Variants in CAMK4 observed in about 807,000 individuals in gnomAD.
The protein encoded by CAMK4 is calcium/calmodulin dependent protein kinase IV, also known as calcium/calmodulin-dependent protein kinase type IV.
CAMK4 carries 22 observed loss-of-function variants against 44.9 expected under a neutral mutation model. That is an observed-to-expected ratio of 0.49 (90% confidence interval 0.35 to 0.70). The LOEUF is 0.70. CAMK4 is among the 30% of genes least tolerant of loss of function. CAMK4 has a pLI of 0.01. For missense variants in CAMK4, 498 were observed against 586.8 expected (o/e 0.85, Z 1.56); for synonymous variants, 218 against 215.4 (o/e 1.01, Z -0.11).
At chr5:111,472,297 A>G (rs560429584) in intron 7 of CAMK4, among the ~76,000 whole-genome samples, 4 of 152,240 alleles carry the variant, frequency 2.6e-5, no homozygotes, top group African/African-American at 7.2e-5. Context: ...AGAGAATGGT[A>G]TGGTGTCCTC....
At chr5:111,330,472 T>C (rs1353716247) in intron 1 of CAMK4, among the ~76,000 whole-genome samples, 1 of 139,754 alleles carries the variant, frequency 7.2e-6, no homozygotes, top group African/African-American at 2.8e-5. Flanking sequence ...TCTTTGTTTT[T>C]CTTTTTTTGT....
At chr5:111,394,914 A>C (rs951992151) in intron 5 of CAMK4, 132 bp downstream of exon 5, 17 of 629,594 alleles carry the variant, frequency 2.7e-5, no homozygotes, top group African/African-American at 2.7e-4. Context: ...TTTATTAGAA[A>C]ATGTGTGGAA....
intron 8 of CAMK4, among the ~76,000 whole-genome samples, chr5:111,478,015 C>T (rs912833550): frequency 6.6e-6 from 1 of 151,866 alleles, no homozygotes; most frequent in African/African-American, 2.4e-5. Flanking sequence ...CTTCTCAATA[C>T]CTGTCAAAAA....
intron 7 of CAMK4, among the ~76,000 whole-genome samples, chr5:111,469,112 C>G: frequency 8.4e-6 from 1 of 119,192 alleles, no homozygotes; most frequent in Non-Finnish European, 1.6e-5. Flanking sequence ...CCATTGGGCT[C>G]TAGTCTGGGC....
intron 1 of CAMK4, among the ~76,000 whole-genome samples, chr5:111,254,712 T>C (rs1313348609): frequency 6.6e-6 from 1 of 152,188 alleles, no homozygotes; most frequent in African/African-American, 2.4e-5. Flanking sequence ...GAAGGAGTTG[T>C]TTCTGCTAAT....
chr5:111,427,195 G>C (rs1468631398), intron 5 of CAMK4, among the ~76,000 whole-genome samples: 1 of 152,114 alleles, frequency 6.6e-6, no homozygotes, highest in Non-Finnish European at 1.5e-5. Flanking sequence ...AGAGTTGTGA[G>C]GTCCCCATTC....
intron 5 of CAMK4, among the ~76,000 whole-genome samples, chr5:111,423,993 A>T (rs1255050878): frequency 6.6e-6 from 1 of 152,210 alleles, no homozygotes; most frequent in Non-Finnish European, 1.5e-5. Flanking sequence ...CTTTTCCAAG[A>T]TCACACAGCT....
At chr5:111,374,578 A>C (rs1436347702) in intron 2 of CAMK4, among the ~76,000 whole-genome samples, 2 of 152,168 alleles carry the variant, frequency 1.3e-5, no homozygotes, top group African/African-American at 4.8e-5. Flanking sequence ...TAGTTGTGAC[A>C]GTGATGACTT....
Position 111,462,053 on chromosome 5 carries a change from G to T in CAMK4, c.626-11258G>T, listed in dbSNP as rs1169044188. 2.0e-5 allele frequency among the ~76,000 whole-genome samples: 3 copies of T among 152,152 alleles called. No individual in the cohort carries two copies. In the South Asian group the frequency reaches 6.2e-4, roughly 32 times the overall value. On this transcript the variant is annotated intron_variant, in intron 7 of 10. Transcript: ENST00000282356. ...TGCTCATCCCACCTAGGCATGGCTG[G>T]ATACTTGAGCCATGCTCCAGCCATG...
chr5:111,482,535 T>C lies in CAMK4; in HGVS notation c.829-250T>C. The C allele has an allele frequency of 3.3e-6, 1 of 302,220 alleles. No individual in the cohort carries two copies. Among genetic ancestry groups the C allele is most frequent in the Non-Finnish European group, 6.0e-6 (1 of 166,202 alleles). The allele number at this position is 302,220 out of a possible 1,614,324, so 18.7% of individuals were successfully genotyped here. Reference sequence around the variant, plus strand: ...AAGTGAGGAGCTGTTTCTTGACTTCTGTTGGAAAGCCGTCTGCCACTTTGG... The same window carrying C: ...AAGTGAGGAGCTGTTTCTTGACTTCCGTTGGAAAGCCGTCTGCCACTTTGG... On this transcript the variant is annotated intron_variant, in intron 9 of 10. Coordinates refer to ENST00000282356, the MANE Select transcript of CAMK4 (RefSeq NM_001744.6). This position sits in a 1 kb window ranked among gnomAD's most constrained non-coding sequence, Gnocchi z 4.9.
chr5:111,344,198 T>C (rs540276908), intron 2 of CAMK4, 96 bp downstream of exon 2: 142 of 708,442 alleles, frequency 2.0e-4, no homozygotes, highest in Middle Eastern at 7.9e-4. Context: ...AGAGAGCTGC[T>C]GTGTGCAAAT....
chr5:111,443,271 TATATATATACACACACAC>T (rs1189316247), intron 5 of CAMK4, among the ~76,000 whole-genome samples: 49 of 52,984 alleles, frequency 9.2e-4, no homozygotes, highest in South Asian at 7.8e-3. Flanking sequence ...TATATATATA[TATATATATACACACACAC>T]ACACACACAC....
rs749548156 is a variant in CAMK4 at position 111,394,799 on chromosome 5, A to G, written c.459+17A>G. 1.0e-5 allele frequency: 16 copies of G among 1,525,120 alleles called. No individual in the cohort carries two copies. The highest frequency in any genetic ancestry group is 1.7e-5 in the Admixed American group (1 of 59,622). The allele number at this position is 1,525,120 out of a possible 1,614,324, so 94.5% of individuals were successfully genotyped here. On this transcript the variant is annotated intron_variant, in intron 5 of 10. Coordinates refer to ENST00000282356, the MANE Select transcript of CAMK4 (RefSeq NM_001744.6). Reference sequence around the variant, plus strand: ...GCAGTTGCTGTAAGTATGAAGTAACAGCAATGGTGTAACTCTTAGTCATCT... The same window carrying G: ...GCAGTTGCTGTAAGTATGAAGTAACGGCAATGGTGTAACTCTTAGTCATCT...
intron 1 of CAMK4, among the ~76,000 whole-genome samples, chr5:111,309,420 G>T (rs979145724): frequency 6.6e-6 from 1 of 152,108 alleles, no homozygotes; most frequent in Non-Finnish European, 1.5e-5. Flanking sequence ...CCCTCTCAAG[G>T]AGCCCTGGCC....
intron 5 of CAMK4, among the ~76,000 whole-genome samples, chr5:111,396,985 A>G (rs1752037215): frequency 6.6e-6 from 1 of 152,192 alleles, no homozygotes; most frequent in Non-Finnish European, 1.5e-5. Flanking sequence ...CATCTCTTGC[A>G]ATCACTATTT....
At chr5:111,469,878 T>C (rs977808713) in intron 7 of CAMK4, among the ~76,000 whole-genome samples, 2 of 152,248 alleles carry the variant, frequency 1.3e-5, no homozygotes, top group Admixed American at 6.5e-5. Flanking sequence ...GCTATTTGGA[T>C]TCATTTACAG....
chr5:111,395,218 AAAAAAAAAAG>A (rs1336641775), intron 5 of CAMK4, among the ~76,000 whole-genome samples: 9 of 116,006 alleles, frequency 7.8e-5, no homozygotes, highest in African/African-American at 2.9e-4. Context: ...TCTCAAAAAA[AAAAAAAAAAG>A]AAAAAAAAAA....
intron 1 of CAMK4, among the ~76,000 whole-genome samples, chr5:111,240,210 G>A (rs898873557): frequency 8.0e-5 from 12 of 150,776 alleles, no homozygotes; most frequent in African/African-American, 2.9e-4. Context: ...CATTCTAAAT[G>A]TTGCATTCTT....
At chr5:111,407,333 A>G (rs1752473245) in intron 5 of CAMK4, among the ~76,000 whole-genome samples, 1 of 147,158 alleles carries the variant, frequency 6.8e-6, no homozygotes, top group African/African-American at 2.6e-5. Context: ...CCTGGGTGAC[A>G]GAGAGAGACT....
Sources: allele counts gnomAD v4.1 joint callset (sites outside exome capture counted in the v4.1 genomes callset), GRCh38; gene constraint gnomAD v4.1.1; non-coding constraint Gnocchi (gnomAD v3.1); transcripts MANE v1.5; gene names NCBI Gene and HGNC (gene_info 2026-07-23, HGNC 2026-07-21).